Variants in CDHR1 observed in about 807,000 individuals in gnomAD.
The protein encoded by CDHR1 is cadherin-related family member 1.
In CDHR1, 61 loss-of-function variants were observed where a neutral mutation model predicts 72.1. The observed-to-expected ratio is 0.85, with a 90% CI of 0.69 to 1.05. The LOEUF is 1.05. CDHR1 is among the 50% of genes least tolerant of loss of function. The pLI, the probability that CDHR1 is intolerant of heterozygous loss-of-function variation, is 0.00. For synonymous variants in CDHR1, 470 were observed against 448.1 expected (o/e 1.05, Z -0.62); for missense variants, 1,186 against 1,115.7 (o/e 1.06, Z -0.90).
rs975237383 is a variant in CDHR1, at chr10:84,217,764, A to T, written c.*3143A>T. ...AGAAGCTTTTACTTCATGCTAGAAA[A>T]AGAGAAGAGAGTGGATCCAGAGGGG... On this transcript the variant is annotated 3_prime_UTR_variant, in exon 17 of 17. Transcript: ENST00000623527. 21 of 985,440 alleles carry T rather than the reference A, an allele frequency of 2.1e-5. No homozygotes were observed. Among genetic ancestry groups the T allele is most frequent in the Non-Finnish European group, 2.5e-5 (21 of 829,952 alleles). The allele number at this position is 985,440 out of a possible 1,614,324, so 61.0% of individuals were successfully genotyped here.
At chr10:84,200,841 G>A (rs2132800309) in intron 6 of CDHR1, among the ~76,000 whole-genome samples, 154 bp downstream of exon 6, 1 of 152,210 alleles carries the variant, frequency 6.6e-6, no homozygotes, top group Admixed American at 6.5e-5. Context: ...GATGTGAGAG[G>A]GACAGAAGCC....
At chr10:84,198,543 T>C (rs939269485) in intron 4 of CDHR1, among the ~76,000 whole-genome samples, 3 of 152,238 alleles carry the variant, frequency 2.0e-5, no homozygotes, top group Non-Finnish European at 4.4e-5. Flanking sequence ...CACAACTTTC[T>C]ACCTCTTTCC....
In CDHR1 at chr10:84,217,160, G is replaced by T. The variant is rs905913731; in HGVS notation, c.*2539G>T. The stretch of plus-strand genomic sequence containing the variant: ...GAGGAGACCCCGCCAGTGGGGTGAG[G>T]CCAGCCAAGTCCCTGTGTTACGAAT... On this transcript the variant is annotated 3_prime_UTR_variant, in exon 17 of 17. Coordinates refer to ENST00000623527, the MANE Select transcript of CDHR1 (RefSeq NM_033100.4). The T allele has an allele frequency of 1.8e-5, 18 of 985,468 alleles. No individual in the cohort carries two copies. Among genetic ancestry groups the T allele is most frequent in the Non-Finnish European group, 2.2e-5 (18 of 830,056 alleles). The allele number at this position is 985,468 out of a possible 1,614,324, so 61.0% of individuals were successfully genotyped here. A position where few individuals can be genotyped will look rare whatever the true frequency, so the allele number is the denominator to read the frequency against.
In CDHR1 at chr10:84,196,800, C is replaced by G. The variant is rs567714069; in HGVS notation, c.297+150C>G. On this transcript the variant is annotated intron_variant, in intron 3 of 16. Transcript: ENST00000623527. Reference sequence around the variant, plus strand: ...CAGGCACATCCACTCTGTGAGATCTCTGGGCCACTTCCCATCAGCAGAGTG... The same window carrying G: ...CAGGCACATCCACTCTGTGAGATCTGTGGGCCACTTCCCATCAGCAGAGTG... The G allele has an allele frequency of 2.2e-5, 20 of 891,602 alleles. No homozygotes were observed. In the South Asian group the frequency reaches 2.8e-4, roughly 12 times the overall value. 55.2% of individuals were successfully genotyped at this position (891,602 alleles called of 1,614,324 possible).
At chr10:84,211,780 AGGTCTGTGGCAGAGGCAGGAGG>A (rs1842337018) in intron 14 of CDHR1, 65 bp downstream of exon 14, 8 of 1,415,470 alleles carry the variant, frequency 5.7e-6, no homozygotes, top group Non-Finnish European at 8.0e-6. Context: ...AGGGTGGAGG[AGGTCTGTGGCAGAGGCAGGAGG>A]GGCCTGGGAG....
intron 8 of CDHR1, 89 bp from the exon 9 acceptor site, chr10:84,204,438 G>A: frequency 2.2e-6 from 2 of 924,618 alleles, no homozygotes; most frequent in Non-Finnish European, 1.8e-6. Context: ...GGTGGGGGTA[G>A]CACCTCCTTT....
rs1356207862 is a variant in CDHR1 at position 84,194,702 on chromosome 10, CT to C, written c.-58del. ...GCCCTCCCCGCGGGCCCAGGGCATG[CT>C]CCGTGCCCCTGCGCCCGGTCTCGGC... On this transcript the variant is annotated 5_prime_UTR_variant, in exon 1 of 17. Transcript: ENST00000623527. The C allele has an allele frequency of 7.1e-7, 1 of 1,399,990 alleles. No homozygotes were observed. 86.7% of individuals were successfully genotyped at this position (1,399,990 alleles called of 1,614,324 possible).
At position 84,214,413 on chromosome 10, in the gene CDHR1, C is replaced by G; in HGVS notation, c.2372C>G (p.Ala791Gly). 1 of 1,613,736 alleles carries G rather than the reference C, an allele frequency of 6.2e-7. No homozygotes were observed. Among genetic ancestry groups the G allele is most frequent in the Non-Finnish European group, 8.5e-7 (1 of 1,180,040 alleles). Residue 791 changes from alanine to glycine, a missense_variant, in exon 17 of 17, where the codon GCT becomes GGT. Transcript: ENST00000623527. ...NSPESSLLPR[A>G]PALPPPPSVA... ...CCAGAAAGCTCTCTGCTCCCGAGAG[C>G]TCCGGCTCTCCCTCCACCACCCAGC...
rs936438930 is a variant in CDHR1 at position 84,200,248 on chromosome 10, C to A, written c.439-353C>A. 9.2e-5 allele frequency among the ~76,000 whole-genome samples: 14 copies of A among 152,094 alleles called. No individual in the cohort carries two copies. The South Asian group carries it at 2.9e-3, about 32-fold the overall frequency. The stretch of plus-strand genomic sequence containing the variant: ...TTGCTCTAAAATGTAGGTATATGGT[C>A]CCTGGTGATCCTAAATATGTCTGTG... On this transcript the variant is annotated intron_variant, in intron 5 of 16. Transcript: ENST00000623527.
intron 10 of CDHR1, among the ~76,000 whole-genome samples, chr10:84,207,919 C>T (rs931489875): frequency 2.0e-5 from 3 of 152,162 alleles, no homozygotes; most frequent in Middle Eastern, 3.2e-3. Flanking sequence ...CACCATTAGT[C>T]TCTGTTAACT....
In CDHR1 at chr10:84,212,248, T is replaced by C. The variant is rs1188885386; in HGVS notation, c.1623T>C (p.Thr541=). 3.7e-6 allele frequency: 6 copies of C among 1,614,140 alleles called. No homozygotes were observed. Among genetic ancestry groups the C allele is most frequent in the Non-Finnish European group, 5.1e-6 (6 of 1,180,044 alleles). The change falls in exon 15 of 17, where the codon ACT becomes ACC. Residue 541 remains threonine, a synonymous_variant. Coordinates refer to ENST00000623527, the MANE Select transcript of CDHR1 (RefSeq NM_033100.4). ...QPWASLDAEA[T]ARYNFYVKAE... is the part of the protein sequence containing the mutation. The stretch of plus-strand genomic sequence containing the variant: ...GGGCTAGCCTGGACGCTGAGGCCAC[T>C]GCCAGGTACAACTTCTATGTGAAGG...
Position 84,208,381 on chromosome 10 carries a change from T to G in CDHR1, c.1167+4T>G. On this transcript the variant is annotated splice_donor_region_variant and intron_variant, in intron 11 of 16. Transcript: ENST00000623527. Reference sequence around the variant, plus strand: ...CACCGTCAATGACTCCGACCAGGTGTGTGGTCCTGCCCTCCGCTCTGCCTT... The same window carrying G: ...CACCGTCAATGACTCCGACCAGGTGGGTGGTCCTGCCCTCCGCTCTGCCTT... The G allele has an allele frequency of 6.2e-7, 1 of 1,614,058 alleles. No homozygotes were observed. Among genetic ancestry groups the G allele is most frequent in the African/African-American group, 1.3e-5 (1 of 75,042 alleles).
At chr10:84,213,495 C>T in intron 16 of CDHR1, 147 bp downstream of exon 16, 2 of 1,099,894 alleles carry the variant, frequency 1.8e-6, no homozygotes, top group Non-Finnish European at 2.7e-6. Flanking sequence ...ATCAAACACA[C>T]AGTCTTTGGA....
rs150799080 is a variant in CDHR1, at chr10:84,213,869, G to A, written c.2041-213G>A. On this transcript the variant is annotated intron_variant, in intron 16 of 16. Transcript: ENST00000623527. ...CCAGAGAGTGGTCTGCACCATGCTG[G>A]GTCTGCGTGCATTTTTCTGGAGAAC... Among the ~76,000 whole-genome samples the A allele has an allele frequency of 4.1e-3, 629 of 152,272 alleles. 4 individuals are homozygous for A. Among genetic ancestry groups the A allele is most frequent in the African/African-American group, 0.014 (601 of 41,550 alleles).
chr10:84,196,609 AC>A lies in CDHR1; in HGVS notation c.257del (p.Thr86IlefsTer29), dbSNP rs1274804688. The A allele has an allele frequency of 2.5e-6, 4 of 1,613,992 alleles. No individual in the cohort carries two copies. In the African/African-American group the frequency reaches 5.3e-5, roughly 22 times the overall value. ...TAGAAGCGTCTTTTCTGTTGACCCCACTTTTGGAAACATCACCCTGGTTGAA... is the reference window on the plus strand; with the variant it reads ...TAGAAGCGTCTTTTCTGTTGACCCCATTTTGGAAACATCACCCTGGTTGAA... ...STRSVFSVDP[T>X]FGNITLVEEL... is the part of the protein sequence containing the mutation. On this transcript the variant is annotated frameshift_variant, in exon 3 of 17. Coordinates refer to ENST00000623527, the MANE Select transcript of CDHR1 (RefSeq NM_033100.4). LOFTEE classifies it high-confidence loss of function.
At position 84,208,946 on chromosome 10, in the gene CDHR1, G is replaced by A. The variant is rs1204209213; in HGVS notation, c.1320+65G>A. ...TCCCAGGAATTCATACCAGCATCTT[G>A]GTTCATTCCTGAGGGGTCTCTTGTC... On this transcript the variant is annotated intron_variant, in intron 12 of 16. Transcript: ENST00000623527. The A allele has an allele frequency of 2.9e-5, 44 of 1,540,206 alleles. No homozygotes were observed. The Admixed American group carries it at 8.0e-4, about 28-fold the overall frequency.
At chr10:84,196,264 T>C (rs1445628456) in intron 2 of CDHR1, among the ~76,000 whole-genome samples, 1 of 152,208 alleles carries the variant, frequency 6.6e-6, no homozygotes, top group East Asian at 1.9e-4. Flanking sequence ...ACCCGTGTTA[T>C]AGATTACAAT....
rs1254218300 is a variant in CDHR1, at chr10:84,199,057, T to C, written c.374T>C (p.Val125Ala). The C allele has an allele frequency of 7.1e-6, 11 of 1,551,728 alleles. No homozygotes were observed. The highest frequency in any genetic ancestry group is 5.9e-5 in the Admixed American group (3 of 51,008). ...GTGGCCGAAAAAGTCGTGATCCTGG[T>C]GACCGATGCCAATGATGAGGCGCCC... is the stretch of plus-strand genomic sequence containing the variant. ...NLVAEKVVIL[V>A]TDANDEAPRF... The change falls in exon 5 of 17, where the codon GTG (valine) becomes GCG (alanine). Residue 125 changes from valine to alanine, a missense_variant. Transcript: ENST00000623527.
In CDHR1 at chr10:84,216,425, GC is replaced by G. The variant is rs1842427198; in HGVS notation, c.*1805del. The G allele has an allele frequency of 1.0e-6, 1 of 985,506 alleles. No individual in the cohort carries two copies. Among genetic ancestry groups the G allele is most frequent in the Non-Finnish European group, 1.2e-6 (1 of 829,956 alleles). 61.0% of individuals were successfully genotyped at this position (985,506 alleles called of 1,614,324 possible). A position where few individuals can be genotyped will look rare whatever the true frequency, so the allele number is the denominator to read the frequency against. ...AGCCTGTGTTTCAGGAGAGGACTGT[GC>G]TGGATCATGCTTGCCCTCCACAGGG... is the stretch of plus-strand genomic sequence containing the variant. On this transcript the variant is annotated 3_prime_UTR_variant, in exon 17 of 17. Coordinates refer to ENST00000623527, the MANE Select transcript of CDHR1 (RefSeq NM_033100.4).
Sources: allele counts gnomAD v4.1 joint callset (sites outside exome capture counted in the v4.1 genomes callset), GRCh38; gene constraint gnomAD v4.1.1; transcripts MANE v1.5; gene names NCBI Gene and HGNC (gene_info 2026-07-23, HGNC 2026-07-21).